ZNF804A: variants seen among roughly 807,000 people sequenced by gnomAD.
ZNF804A encodes zinc finger protein 804A.
ZNF804A carries 2 observed loss-of-function variants against 16.5 expected under a neutral mutation model. The ratio of observed to expected loss-of-function variants is 0.12; its 90% confidence interval spans 0.05 to 0.38. The LOEUF is 0.38. Ranked by LOEUF, ZNF804A falls within the 10% of genes least tolerant of loss-of-function variation. ZNF804A has a pLI of 0.99. For missense variants in ZNF804A, 1,473 were observed against 1,390.7 expected, an observed-to-expected ratio of 1.06 and a Z score of -0.94; for synonymous variants, 534 against 489.6, an observed-to-expected ratio of 1.09 and a Z score of -1.20.
intron 1 of ZNF804A, among the ~76,000 whole-genome samples, chr2:184,653,212 C>T (rs1482010863): frequency 6.6e-6 from 1 of 152,104 alleles, no homozygotes; most frequent in African/African-American, 2.4e-5. Context: ...GGAATTCAAA[C>T]AACAACCAGG....
chr2:184,921,824 G>C (rs182611720), intron 2 of ZNF804A, among the ~76,000 whole-genome samples: 8 of 151,782 alleles, frequency 5.3e-5, no homozygotes, highest in African/African-American at 1.9e-4. Flanking sequence ...CTCCATCTCC[G>C]TGAGTTTAAT....
intron 2 of ZNF804A, among the ~76,000 whole-genome samples, chr2:184,885,740 A>C (rs2105819773): frequency 6.6e-6 from 1 of 152,150 alleles, no homozygotes; most frequent in Admixed American, 6.5e-5. Flanking sequence ...AAAGTGGAAA[A>C]CCCCAGTAAA....
At chr2:184,710,667 T>A (rs905115583) in intron 1 of ZNF804A, among the ~76,000 whole-genome samples, 6 of 151,726 alleles carry the variant, frequency 4.0e-5, no homozygotes, top group Non-Finnish European at 8.9e-5. Context: ...GAACTCCTTA[T>A]TTTTTTCTCA....
chr2:184,767,405 A>T (rs183460472), intron 1 of ZNF804A, among the ~76,000 whole-genome samples: 1 of 152,270 alleles, frequency 6.6e-6, no homozygotes, highest in Admixed American at 6.5e-5. Context: ...AGCCAAACTC[A>T]TAGACACAGA....
chr2:184,708,048 T>C (rs1693060249), intron 1 of ZNF804A, among the ~76,000 whole-genome samples: 1 of 152,086 alleles, frequency 6.6e-6, no homozygotes, highest in Non-Finnish European at 1.5e-5. Flanking sequence ...GTGATTTTGA[T>C]TATTTTTTCA....
intron 2 of ZNF804A, among the ~76,000 whole-genome samples, chr2:184,897,859 A>G (rs1336512651): frequency 6.6e-6 from 1 of 151,992 alleles, no homozygotes; most frequent in Non-Finnish European, 1.5e-5. Flanking sequence ...ACGCTAGAGT[A>G]TGGTCTAGGC....
chr2:184,612,687 G>A (rs1430433423), intron 1 of ZNF804A, among the ~76,000 whole-genome samples: 1 of 152,020 alleles, frequency 6.6e-6, no homozygotes, highest in Non-Finnish European at 1.5e-5. Context: ...TGCCCACCTC[G>A]GCCTCCCAAA....
chr2:184,928,330 C>T (rs756400655), intron 2 of ZNF804A, among the ~76,000 whole-genome samples: 27 of 152,186 alleles, frequency 1.8e-4, no homozygotes, highest in African/African-American at 5.3e-4. Flanking sequence ...CTCTTTCCTG[C>T]GGTGAGTGAG....
intron 1 of ZNF804A, among the ~76,000 whole-genome samples, chr2:184,773,573 A>G (rs1370815211): frequency 6.6e-6 from 1 of 151,970 alleles, no homozygotes; most frequent in Non-Finnish European, 1.5e-5. Context: ...AACATTTTAT[A>G]TTCTCACTCA....
chr2:184,876,538 G>T (rs928272454), intron 2 of ZNF804A, among the ~76,000 whole-genome samples: 1 of 152,084 alleles, frequency 6.6e-6, no homozygotes. Flanking sequence ...TTTGCTCCAA[G>T]AAATGCACAC....
intron 1 of ZNF804A, among the ~76,000 whole-genome samples, chr2:184,791,299 G>C (rs1471282211): frequency 2.0e-5 from 3 of 152,182 alleles, no homozygotes; most frequent in African/African-American, 7.2e-5. Flanking sequence ...TGCTGATGGT[G>C]ACTATCAGCC....
At chr2:184,783,101 A>G (rs891755578) in intron 1 of ZNF804A, among the ~76,000 whole-genome samples, 1 of 136,518 alleles carries the variant, frequency 7.3e-6, no homozygotes, top group East Asian at 2.2e-4. Context: ...ATGTAAAATA[A>G]TTTTTCAATT....
At chr2:184,829,411 T>C (rs952102400) in intron 1 of ZNF804A, among the ~76,000 whole-genome samples, 1 of 151,998 alleles carries the variant, frequency 6.6e-6, no homozygotes, top group Non-Finnish European at 1.5e-5. Flanking sequence ...CATTGTCATT[T>C]TAAATATAAG....
At chr2:184,667,231 T>A (rs1486827963) in intron 1 of ZNF804A, among the ~76,000 whole-genome samples, 1 of 151,926 alleles carries the variant, frequency 6.6e-6, no homozygotes, top group Non-Finnish European at 1.5e-5. Context: ...AGAATTGTAT[T>A]TAGTTGTTAA....
intron 1 of ZNF804A, among the ~76,000 whole-genome samples, chr2:184,799,390 T>G (rs1458614958): frequency 6.6e-6 from 1 of 152,166 alleles, no homozygotes; most frequent in Non-Finnish European, 1.5e-5. Context: ...ATATATTGTA[T>G]TCTATGTTTT....
chr2:184,891,766 A>G (rs1684987617), intron 2 of ZNF804A, among the ~76,000 whole-genome samples: 1 of 152,218 alleles, frequency 6.6e-6, no homozygotes, highest in Non-Finnish European at 1.5e-5. Flanking sequence ...TCGACAAAGA[A>G]TTAACTTTAT....
intron 1 of ZNF804A, among the ~76,000 whole-genome samples, chr2:184,765,834 T>C (rs1485119240): frequency 6.6e-6 from 1 of 152,158 alleles, no homozygotes; most frequent in African/African-American, 2.4e-5. Context: ...TTGAGGAGAC[T>C]CTAAAATATT....
rs371079987 is a variant in ZNF804A at position 184,936,332 on chromosome 2, C to T, written c.936C>T (p.Cys312=). The change falls in exon 4 of 4, where the codon TGC becomes TGT. Residue 312 remains cysteine (C), a synonymous_variant. Coordinates refer to ENST00000302277, the MANE Select transcript of ZNF804A (RefSeq NM_194250.2). Reference sequence around the variant, plus strand: ...ATGCATTATTATTACCTTCATTTTGCAAGTTTCAACTTCAGTTATCTTCTG... The same window carrying T: ...ATGCATTATTATTACCTTCATTTTGTAAGTTTCAACTTCAGTTATCTTCTG... The part of the protein sequence containing the change: ...EKDALLLPSF[C]KFQLQLSSDA... The T allele has an allele frequency of 3.0e-5, 48 of 1,613,702 alleles. No homozygotes were observed. The African/African-American group carries it at 6.4e-4, about 22-fold the overall frequency.
Position 184,938,172 on chromosome 2 carries a change from A to C in ZNF804A, c.2776A>C (p.Lys926Gln). 6.2e-7 allele frequency: 1 copy of C among 1,614,144 alleles called. No individual in the cohort carries two copies. The highest frequency in any genetic ancestry group is 8.5e-7 in the Non-Finnish European group (1 of 1,180,022). Residue 926 changes from lysine (K) to glutamine (Q), a missense_variant, in exon 4 of 4, where the codon AAA becomes CAA. By Grantham distance (53) the Lys-to-Gln change is moderately conservative. Coordinates refer to ENST00000302277, the MANE Select transcript of ZNF804A (RefSeq NM_194250.2). The part of the protein sequence containing the change: ...TSVCVASAPT[K>Q]EAIDNTLLEH... Reference sequence around the variant, plus strand: ...TGTCTGTGTAGCTAGTGCCCCAACAAAAGAAGCAATTGACAATACCCTGCT... The same window carrying C: ...TGTCTGTGTAGCTAGTGCCCCAACACAAGAAGCAATTGACAATACCCTGCT...
Sources: allele counts gnomAD v4.1 joint callset (sites outside exome capture counted in the v4.1 genomes callset), GRCh38; gene constraint gnomAD v4.1.1; transcripts MANE v1.5; gene names NCBI Gene and HGNC (gene_info 2026-07-23, HGNC 2026-07-21).